The following RPTOR variants were observed in gnomAD, a reference collection of about 807,000 sequenced individuals.
RPTOR encodes regulatory-associated protein of mTOR.
In RPTOR, 21 loss-of-function variants were observed where a neutral mutation model predicts 169.9. The ratio of observed to expected loss-of-function variants is 0.12; its 90% confidence interval spans 0.09 to 0.18. RPTOR has a LOEUF of 0.18. Among genes scored for constraint, RPTOR ranks in the 10% least tolerant of loss-of-function variants. RPTOR has a pLI of 1.00. For missense variants in RPTOR, 1,133 were observed against 1,855.9 expected (o/e 0.61, Z 7.16); for synonymous variants, 732 against 753.2 (o/e 0.97, Z 0.46).
chr17:80,598,204 G>T (rs2065158380), intron 1 of RPTOR, among the ~76,000 whole-genome samples: 1 of 151,974 alleles, frequency 6.6e-6, no homozygotes, highest in Admixed American at 6.6e-5. Context: ...CAGTGGATAC[G>T]GTCACCCAAA....
intron 6 of RPTOR, among the ~76,000 whole-genome samples, chr17:80,775,952 A>G (rs2066888187): frequency 6.6e-6 from 1 of 152,210 alleles, no homozygotes; most frequent in African/African-American, 2.4e-5. Flanking sequence ...ATTCCATCAC[A>G]TTTATAGACA....
At chr17:80,932,515 A>G (rs900763562) in intron 24 of RPTOR, among the ~76,000 whole-genome samples, 3 of 152,226 alleles carry the variant, frequency 2.0e-5, no homozygotes, top group African/African-American at 4.8e-5. Flanking sequence ...CAGCAAAGGT[A>G]GACAACAAAC....
rs2066526422 is a variant in RPTOR at position 80,743,982 on chromosome 17, G to GGC, written c.655-10028_655-10027insGC. On this transcript the variant is annotated intron_variant, in intron 5 of 33. Coordinates refer to ENST00000306801, the MANE Select transcript of RPTOR (RefSeq NM_020761.3). ...TAGCACAGCCCTGGCTACTAGCACT[G>GGC]TCCTGGTTATGAGCACAGCCCTGGT... Among the ~76,000 whole-genome samples, 2 of 24,040 alleles carry GGC rather than the reference G, an allele frequency of 8.3e-5. 1 individual carries two copies. The highest frequency in any genetic ancestry group is 5.6e-4 in the Admixed American group (2 of 3,594). 15.8% of individuals were successfully genotyped at this position (24,040 alleles called of 152,430 possible). A position where few individuals can be genotyped will look rare whatever the true frequency, so the allele number is the denominator to read the frequency against.
intron 5 of RPTOR, among the ~76,000 whole-genome samples, chr17:80,740,412 C>T (rs140115796): frequency 5.3e-5 from 8 of 152,204 alleles, no homozygotes; most frequent in Non-Finnish European, 1.2e-4. Flanking sequence ...CACATTTCAA[C>T]TCATTTTATG....
chr17:80,669,144 G>T (rs2065803142), intron 3 of RPTOR, among the ~76,000 whole-genome samples: 1 of 152,246 alleles, frequency 6.6e-6, no homozygotes. Context: ...GCAGCCAGGG[G>T]CTGGGGGCTT....
intron 7 of RPTOR, among the ~76,000 whole-genome samples, chr17:80,798,496 G>C (rs1055574185): frequency 1.3e-5 from 2 of 152,034 alleles, no homozygotes; most frequent in Non-Finnish European, 2.9e-5. Context: ...GTCCCTCAGG[G>C]GGTTTGGGAA....
intron 11 of RPTOR, among the ~76,000 whole-genome samples, chr17:80,853,118 G>A (rs747962062): frequency 2.0e-5 from 3 of 152,042 alleles, no homozygotes; most frequent in South Asian, 4.2e-4. Flanking sequence ...TCCCCAAAGC[G>A]AGCACACTGG....
At chr17:80,956,222 GAA>G (rs10536983) in intron 28 of RPTOR, among the ~76,000 whole-genome samples, 70,476 of 146,476 alleles carry the variant, frequency 0.48, 16,805 homozygotes, top group East Asian at 0.56. Context: ...GCTTCTCTAT[GAA>G]AAAAAAAAAA....
At chr17:80,720,664 G>A (rs1038160860) in intron 4 of RPTOR, among the ~76,000 whole-genome samples, 5 of 152,164 alleles carry the variant, frequency 3.3e-5, no homozygotes, top group Admixed American at 6.5e-5. Context: ...CACTGACTTC[G>A]CGGGTGCCCT....
At position 80,625,762 on chromosome 17, in the gene RPTOR, C is replaced by A. The variant is rs17848685; in HGVS notation, c.234C>A (p.Thr78=). 4.8e-4 allele frequency: 766 copies of A among 1,612,556 alleles called. 5 individuals are homozygous for A. The highest frequency in any genetic ancestry group is 3.7e-5 in the Non-Finnish European group (44 of 1,179,244). Residue 78 remains threonine, a synonymous_variant, in exon 2 of 34, where the codon ACC becomes ACA. Coordinates refer to ENST00000306801, the MANE Select transcript of RPTOR (RefSeq NM_020761.3). The part of the protein sequence containing the change: ...VGVDPPDVVK[T]TPCARLECWI... ...TGGACCCTCCCGATGTGGTGAAGAC[C>A]ACGCCCTGTGCACGCTTGGAATGCT...
At chr17:80,611,540 T>G (rs2065270872) in intron 1 of RPTOR, among the ~76,000 whole-genome samples, 1 of 152,122 alleles carries the variant, frequency 6.6e-6, no homozygotes, top group South Asian at 2.1e-4. Context: ...GTGTTGGGGT[T>G]ACAGGCGTGA....
At chr17:80,598,743 T>C (rs2065162463) in intron 1 of RPTOR, among the ~76,000 whole-genome samples, 1 of 152,190 alleles carries the variant, frequency 6.6e-6, no homozygotes, top group Non-Finnish European at 1.5e-5. Context: ...TGAATGGGGA[T>C]GTGAAAGGCA....
intron 4 of RPTOR, chr17:80,709,152 G>A (rs779381471): frequency 1.1e-4 from 97 of 905,364 alleles, no homozygotes; most frequent in Non-Finnish European, 1.3e-4. Context: ...ACAGGGCAGT[G>A]CCATCTCTCC....
intron 7 of RPTOR, among the ~76,000 whole-genome samples, chr17:80,813,075 C>T (rs1308697083): frequency 6.6e-6 from 1 of 152,208 alleles, no homozygotes; most frequent in African/African-American, 2.4e-5. Flanking sequence ...CTTTAAGTTG[C>T]AAACTATTCA....
Position 80,889,158 on chromosome 17 carries a change from A to G in RPTOR, c.1984-2562A>G, listed in dbSNP as rs140550882. 6.6e-5 allele frequency among the ~76,000 whole-genome samples: 10 copies of G among 152,338 alleles called. No individual in the cohort carries two copies. In the East Asian group the frequency reaches 1.9e-3, roughly 29 times the overall value. Reference sequence around the variant, plus strand: ...GCACTTTGAATGCGGAGCTCACAGCACTTGCTCACAGGTGGAGAGGGTACG... The same window carrying G: ...GCACTTTGAATGCGGAGCTCACAGCGCTTGCTCACAGGTGGAGAGGGTACG... On this transcript the variant is annotated intron_variant, in intron 17 of 33. Coordinates refer to ENST00000306801, the MANE Select transcript of RPTOR (RefSeq NM_020761.3).
At chr17:80,863,634 G>A (rs184497869) in intron 13 of RPTOR, among the ~76,000 whole-genome samples, 108 of 152,292 alleles carry the variant, frequency 7.1e-4, no homozygotes, top group African/African-American at 2.4e-3. Flanking sequence ...AACAGTACAC[G>A]GTTAGGCACG....
At chr17:80,796,519 C>T (rs746082868) in intron 7 of RPTOR, among the ~76,000 whole-genome samples, 1 of 152,200 alleles carries the variant, frequency 6.6e-6, no homozygotes, top group East Asian at 1.9e-4. Context: ...TTTAAGCCAT[C>T]GGATCTTGTG....
chr17:80,843,535 C>G (rs1327505172), intron 10 of RPTOR, among the ~76,000 whole-genome samples: 3 of 151,612 alleles, frequency 2.0e-5, no homozygotes, highest in African/African-American at 7.3e-5. Flanking sequence ...GAGAACCCTT[C>G]TGCAAACTGA....
intron 24 of RPTOR, among the ~76,000 whole-genome samples, chr17:80,939,477 G>A (rs1198380731): frequency 6.6e-6 from 1 of 152,248 alleles, no homozygotes; most frequent in African/African-American, 2.4e-5. Flanking sequence ...CATATTTCAA[G>A]TGAAAATAAA....
Sources: gnomAD v4.1 joint callset for allele counts (sites outside exome capture counted in the v4.1 genomes callset) on GRCh38, gnomAD v4.1.1 for gene constraint, MANE v1.5 for transcripts, NCBI Gene and HGNC (gene_info 2026-07-23, HGNC 2026-07-21) for gene names.